Variants in MAP3K7 observed in about 807,000 individuals in gnomAD.
The protein encoded by MAP3K7 is mitogen-activated protein kinase kinase kinase 7, also known as TGF-beta activated kinase 1.
A neutral mutation model predicts 84.8 loss-of-function variants in MAP3K7; 21 were observed. The ratio of observed to expected loss-of-function variants is 0.25; its 90% CI spans 0.18 to 0.36. MAP3K7 has a LOEUF of 0.36. Among genes scored for constraint, MAP3K7 ranks in the 10% least tolerant of loss-of-function variants. The pLI is 1.00. For missense variants in MAP3K7, 503 were observed against 747.7 expected (o/e 0.67, Z 3.82); for synonymous variants, 241 against 247.7 (o/e 0.97, Z 0.25).
intron 12 of MAP3K7, chr6:90,542,276 T>C (rs1483206277): frequency 1.0e-6 from 1 of 984,202 alleles, no homozygotes; most frequent in Non-Finnish European, 1.2e-6. Flanking sequence ...GATTGGCTTT[T>C]ATGTCCACTA....
At chr6:90,586,175 A>G (rs1777443279) in intron 1 of MAP3K7, among the ~76,000 whole-genome samples, 4 of 151,828 alleles carry the variant, frequency 2.6e-5, no homozygotes, top group Admixed American at 2.6e-4. Context: ...GATCGAGACC[A>G]TCCTGGCTAA....
At chr6:90,584,169 T>TA (rs992895137) in intron 1 of MAP3K7, among the ~76,000 whole-genome samples, 2 of 152,148 alleles carry the variant, frequency 1.3e-5, no homozygotes, top group Admixed American at 1.3e-4. Context: ...GGAAGCAACA[T>TA]AAAATAGTTT....
intron 1 of MAP3K7, among the ~76,000 whole-genome samples, chr6:90,572,614 C>T (rs1282847675): frequency 1.3e-5 from 2 of 150,044 alleles, no homozygotes; most frequent in African/African-American, 4.9e-5. Context: ...TGGCTGACAA[C>T]CTGGTAAATT....
chr6:90,534,158 C>T (rs978187694), intron 13 of MAP3K7, among the ~76,000 whole-genome samples: 1 of 152,116 alleles, frequency 6.6e-6, no homozygotes, highest in Admixed American at 6.6e-5. Context: ...GTTTACTTTC[C>T]TCTGCAAGAT....
chr6:90,526,397 C>CT (rs1318566775), intron 13 of MAP3K7, among the ~76,000 whole-genome samples: 2 of 152,042 alleles, frequency 1.3e-5, no homozygotes, highest in East Asian at 1.9e-4. Flanking sequence ...AACTTAATTA[C>CT]TTTTTATACT....
At chr6:90,526,451 T>C (rs1775325271) in intron 13 of MAP3K7, among the ~76,000 whole-genome samples, 1 of 152,158 alleles carries the variant, frequency 6.6e-6, no homozygotes, top group South Asian at 2.1e-4. Context: ...AAAACACTTC[T>C]AAATAACTCA....
chr6:90,578,961 T>C (rs535273750), intron 1 of MAP3K7, among the ~76,000 whole-genome samples: 1 of 152,304 alleles, frequency 6.6e-6, no homozygotes, highest in Admixed American at 6.5e-5. Context: ...CATAAACCCA[T>C]GAATATATAG....
Position 90,552,172 on chromosome 6 carries a change from T to A in MAP3K7, c.744A>T (p.Arg248=). The A allele has an allele frequency of 6.2e-7, 1 of 1,607,830 alleles. No homozygotes were observed. The highest frequency in any genetic ancestry group is 8.5e-7 in the Non-Finnish European group (1 of 1,175,076). ...RIMWAVHNGT[R]PPLIKNLPKP... ...TAGGTAAATTTTTTATCAGTGGTGG[T>A]CGAGTACCTACAATTGAAAATGAGA... The change falls in exon 8 of 17, where the codon CGA becomes CGT. Residue 248 remains arginine (R), a synonymous_variant. Coordinates refer to ENST00000369329, the MANE Select transcript of MAP3K7 (RefSeq NM_145331.3).
At chr6:90,523,815 G>A (rs994650244) in intron 13 of MAP3K7, 32 bp from the exon 14 acceptor site, 3 of 1,247,550 alleles carry the variant, frequency 2.4e-6, no homozygotes, top group Admixed American at 1.7e-5. Flanking sequence ...GAAACAAAAT[G>A]TGATTTTTTG....
At chr6:90,543,807 CA>C in intron 12 of MAP3K7, among the ~76,000 whole-genome samples, 1 of 152,110 alleles carries the variant, frequency 6.6e-6, no homozygotes, top group Non-Finnish European at 1.5e-5. Flanking sequence ...TACTGAAGGT[CA>C]ATATGCCATT....
At chr6:90,556,450 C>CA (rs1421191197) in intron 6 of MAP3K7, 50 bp downstream of exon 6, 7 of 1,573,470 alleles carry the variant, frequency 4.4e-6, no homozygotes, top group Non-Finnish European at 6.0e-6. Flanking sequence ...CATATGAATT[C>CA]ACAAGGAGTG....
At chr6:90,572,522 T>C (rs1776939380) in intron 1 of MAP3K7, among the ~76,000 whole-genome samples, 1 of 151,658 alleles carries the variant, frequency 6.6e-6, no homozygotes, top group South Asian at 2.1e-4. Context: ...AAAATTAGAA[T>C]TAACAGTAAA....
intron 6 of MAP3K7, among the ~76,000 whole-genome samples, chr6:90,554,104 G>A (rs1582205847): frequency 6.6e-6 from 1 of 151,946 alleles, no homozygotes; most frequent in Admixed American, 6.5e-5. Flanking sequence ...ATGGGGTCTT[G>A]CCATGTTGCC....
intron 2 of MAP3K7, among the ~76,000 whole-genome samples, chr6:90,570,826 TAATAAA>T (rs1297411742): frequency 6.6e-6 from 1 of 152,190 alleles, no homozygotes; most frequent in East Asian, 1.9e-4. Flanking sequence ...ATCTAAACTG[TAATAAA>T]AATATTGCAT....
chr6:90,517,842 AT>A (rs548586709), intron 16 of MAP3K7, among the ~76,000 whole-genome samples: 124 of 151,730 alleles, frequency 8.2e-4, no homozygotes, highest in Non-Finnish European at 1.4e-3. Flanking sequence ...AGTTGCCAAA[AT>A]TTTTTCCTTA....
At chr6:90,563,845 G>T (rs1189767786) in intron 3 of MAP3K7, among the ~76,000 whole-genome samples, 2 of 152,222 alleles carry the variant, frequency 1.3e-5, no homozygotes, top group African/African-American at 2.4e-5. Context: ...ACAAAGGGAA[G>T]CCCATCAGAC....
At chr6:90,554,373 C>T (rs1013388377) in intron 6 of MAP3K7, among the ~76,000 whole-genome samples, 8 of 152,076 alleles carry the variant, frequency 5.3e-5, no homozygotes, top group African/African-American at 1.9e-4. Flanking sequence ...TTGTAAGTAA[C>T]GAAAATTATG....
intron 14 of MAP3K7, among the ~76,000 whole-genome samples, chr6:90,520,488 G>A: frequency 6.6e-6 from 1 of 151,784 alleles, no homozygotes; most frequent in East Asian, 1.9e-4. Flanking sequence ...GTGCATGTGA[G>A]GAACACCATG....
intron 6 of MAP3K7, among the ~76,000 whole-genome samples, chr6:90,555,919 T>C (rs1232378372): frequency 6.6e-6 from 1 of 152,244 alleles, no homozygotes; most frequent in Non-Finnish European, 1.5e-5. Flanking sequence ...ATGTATATTG[T>C]CTGTTAAGAT....
Sources: gnomAD v4.1 joint callset for allele counts (sites outside exome capture counted in the v4.1 genomes callset) on GRCh38, gnomAD v4.1.1 for gene constraint, MANE v1.5 for transcripts, NCBI Gene and HGNC (gene_info 2026-07-23, HGNC 2026-07-21) for gene names.